The following SMAD6 variants were observed in gnomAD, a reference collection of about 807,000 sequenced individuals.
The protein encoded by SMAD6 is MAD homolog 6.
In SMAD6, 103 loss-of-function variants were observed where a neutral mutation model predicts 39.4. The observed-to-expected ratio is 2.62, with a 90% CI of 2.23 to 3.08. The LOEUF (loss-of-function observed/expected upper bound fraction) is 3.08. Ranked by LOEUF, SMAD6 falls within the 30% of genes most tolerant of loss-of-function variation. SMAD6 has a pLI of 0.00. For missense variants in SMAD6, 1,104 were observed against 742.9 expected (o/e 1.49, Z -5.65); for synonymous variants, 445 against 353.3 (o/e 1.26, Z -2.91).
intron 3 of SMAD6, among the ~76,000 whole-genome samples, chr15:66,778,313 C>T (rs1464401657): frequency 1.3e-5 from 2 of 152,170 alleles, no homozygotes; most frequent in Non-Finnish European, 2.9e-5. Context: ...AACTCCTGAG[C>T]TCAAATGAGC....
chr15:66,703,693 G>T lies in SMAD6; in HGVS notation c.435G>T (p.Leu145=), dbSNP rs1438085635. 2 of 1,261,804 alleles carry T rather than the reference G, an allele frequency of 1.6e-6. No homozygotes were observed. Among genetic ancestry groups the T allele is most frequent in the Non-Finnish European group, 2.0e-6 (2 of 1,000,732 alleles). 78.2% of individuals were successfully genotyped at this position (1,261,804 alleles called of 1,614,324 possible). A position where few individuals can be genotyped will look rare whatever the true frequency, so the allele number is the denominator to read the frequency against. Residue 145 remains leucine, a synonymous_variant, in exon 1 of 4, where the codon CTG becomes CTT. Coordinates refer to ENST00000288840, the MANE Select transcript of SMAD6 (RefSeq NM_005585.5). ...AGAPRDASDP[L]AGAALEPAGG... The stretch of plus-strand genomic sequence containing the variant: ...CGCCCCGGGACGCCAGCGACCCCCT[G>T]GCCGGGGCGGCCCTGGAGCCGGCGG...
At position 66,782,212 on chromosome 15, in the gene SMAD6, T is replaced by G; in HGVS notation, c.*677T>G. On this transcript the variant is annotated 3_prime_UTR_variant, in exon 4 of 4. Transcript: ENST00000288840. ...CCATGGCTATGGGGTGTCCAGTGGA[T>G]AGGGATGGCGGTGGGGAAAAGAATA... 1 of 250,672 alleles carries G rather than the reference T, an allele frequency of 4.0e-6. No individual in the cohort carries two copies. The highest frequency in any genetic ancestry group is 6.5e-6 in the Non-Finnish European group (1 of 153,442). 15.5% of individuals were successfully genotyped at this position (250,672 alleles called of 1,614,324 possible). A position where few individuals can be genotyped will look rare whatever the true frequency, so the allele number is the denominator to read the frequency against.
chr15:66,703,170 G>A lies in SMAD6; in HGVS notation c.-89G>A, dbSNP rs1227555713. 9.7e-7 allele frequency: 1 copy of A among 1,033,554 alleles called. No homozygotes were observed. The allele number at this position is 1,033,554 out of a possible 1,614,324, so 64.0% of individuals were successfully genotyped here. A position where few individuals can be genotyped will look rare whatever the true frequency, so the allele number is the denominator to read the frequency against. The stretch of plus-strand genomic sequence containing the variant: ...GCGGCGGAGCTTCATGTGGGGCTGC[G>A]ACCCGCGCAGCCGGCGCCTCGCTGA... On this transcript the variant is annotated 5_prime_UTR_variant, in exon 1 of 4. Coordinates refer to ENST00000288840, the MANE Select transcript of SMAD6 (RefSeq NM_005585.5).
At chr15:66,727,831 G>C (rs1414492692) in intron 3 of SMAD6, among the ~76,000 whole-genome samples, 1 of 151,944 alleles carries the variant, frequency 6.6e-6, no homozygotes, top group Admixed American at 6.6e-5. Context: ...TGTCACATGT[G>C]AACAATTTTC....
chr15:66,742,811 G>A lies in SMAD6; in HGVS notation c.952+26313G>A, dbSNP rs186642417. ...AGGGAGGTTGGTGGACGTTGCCTTT[G>A]CTTAGACTGCCCGCTGCGCTCCCTG... is the stretch of plus-strand genomic sequence containing the variant. On this transcript the variant is annotated intron_variant, in intron 3 of 3. Transcript: ENST00000288840. 1.7e-3 allele frequency among the ~76,000 whole-genome samples: 254 copies of A among 152,252 alleles called. 1 individual carries two copies. The highest frequency in any genetic ancestry group is 5.4e-3 in the African/African-American group (225 of 41,540).
At chr15:66,735,789 G>C (rs755288534) in intron 3 of SMAD6, among the ~76,000 whole-genome samples, 1 of 151,996 alleles carries the variant, frequency 6.6e-6, no homozygotes, top group African/African-American at 2.4e-5. Flanking sequence ...AAGCAGGCAC[G>C]TGTGCATGCA....
At chr15:66,716,620 A>T (rs750397362) in intron 3 of SMAD6, 122 bp downstream of exon 3, 2 of 775,160 alleles carry the variant, frequency 2.6e-6, no homozygotes, top group African/African-American at 3.4e-5. Flanking sequence ...TTTTCCTCCA[A>T]TCCTTGGATG....
chr15:66,743,696 C>A (rs752924052), intron 3 of SMAD6, among the ~76,000 whole-genome samples: 7 of 151,940 alleles, frequency 4.6e-5, no homozygotes, highest in African/African-American at 7.3e-5. Flanking sequence ...TTATATTATT[C>A]TTCTTAAAAT....
intron 3 of SMAD6, among the ~76,000 whole-genome samples, chr15:66,725,766 G>A (rs1893510688): frequency 6.6e-6 from 1 of 152,184 alleles, no homozygotes; most frequent in Non-Finnish European, 1.5e-5. Flanking sequence ...TGTCATCAGT[G>A]GGGAGCATTG....
Position 66,703,662 on chromosome 15 carries a change from C to T in SMAD6, c.404C>T (p.Ala135Val). ...TCCLFSERDA[A>V]GAPRDASDPL... Reference sequence around the variant, plus strand: ...TGTCTCTTTTCGGAGCGGGACGCCGCCGGCGCGCCCCGGGACGCCAGCGAC... The same window carrying T: ...TGTCTCTTTTCGGAGCGGGACGCCGTCGGCGCGCCCCGGGACGCCAGCGAC... The change falls in exon 1 of 4, where the codon GCC becomes GTC. Residue 135 changes from alanine (A) to valine (V), a missense_variant. Transcript: ENST00000288840. 8.1e-7 allele frequency: 1 copy of T among 1,231,184 alleles called. No homozygotes were observed. Among genetic ancestry groups the T allele is most frequent in the Non-Finnish European group, 1.0e-6 (1 of 986,176 alleles). 76.3% of individuals were successfully genotyped at this position (1,231,184 alleles called of 1,614,324 possible).
chr15:66,775,128 C>T (rs1043593244), intron 3 of SMAD6, among the ~76,000 whole-genome samples: 1 of 152,086 alleles, frequency 6.6e-6, no homozygotes, highest in Non-Finnish European at 1.5e-5. Context: ...TCCCAAAGTG[C>T]TGAGATTACA....
At chr15:66,719,148 T>C (rs1418613248) in intron 3 of SMAD6, among the ~76,000 whole-genome samples, 1 of 152,220 alleles carries the variant, frequency 6.6e-6, no homozygotes, top group East Asian at 1.9e-4. Flanking sequence ...GGCTCATTGC[T>C]GGGCCAACTG....
chr15:66,728,930 T>C (rs1014006168), intron 3 of SMAD6, among the ~76,000 whole-genome samples: 1 of 152,054 alleles, frequency 6.6e-6, no homozygotes, highest in African/African-American at 2.4e-5. Context: ...GGTACATACC[T>C]GGGAGTGGAA....
chr15:66,733,546 G>A (rs12438941), intron 3 of SMAD6, among the ~76,000 whole-genome samples: 7,482 of 152,064 alleles, frequency 0.049, 403 homozygotes, highest in Admixed American at 0.18. Flanking sequence ...ATGTTTCTTG[G>A]TGTTATTGTA....
intron 3 of SMAD6, among the ~76,000 whole-genome samples, chr15:66,749,154 G>A (rs1238382734): frequency 2.6e-5 from 4 of 152,052 alleles, no homozygotes; most frequent in African/African-American, 9.7e-5. Flanking sequence ...GCAAAACCCC[G>A]TCTCTACAAA....
chr15:66,703,202 G>C lies in SMAD6; in HGVS notation c.-57G>C, dbSNP rs1893013117. Reference sequence around the variant, plus strand: ...GCAGCCGGCGCCTCGCTGAGGGAACGGACCCCCGGTAACCGGAGACCGCCT... The same window carrying C: ...GCAGCCGGCGCCTCGCTGAGGGAACCGACCCCCGGTAACCGGAGACCGCCT... On this transcript the variant is annotated 5_prime_UTR_variant, in exon 1 of 4. Transcript: ENST00000288840. 1 of 1,268,166 alleles carries C rather than the reference G, an allele frequency of 7.9e-7. No individual in the cohort carries two copies. 78.6% of individuals were successfully genotyped at this position (1,268,166 alleles called of 1,614,324 possible).
intron 1 of SMAD6, among the ~76,000 whole-genome samples, chr15:66,709,197 T>C (rs1893180300): frequency 6.6e-6 from 1 of 152,216 alleles, no homozygotes; most frequent in African/African-American, 2.4e-5. Flanking sequence ...GTGATTAGCT[T>C]TCAGTCCCTG....
chr15:66,763,828 A>T (rs1490913729), intron 3 of SMAD6, among the ~76,000 whole-genome samples: 2 of 152,230 alleles, frequency 1.3e-5, no homozygotes, highest in Non-Finnish European at 2.9e-5. Context: ...GAAAAGCCCG[A>T]GTTGGCAGAG....
intron 3 of SMAD6, among the ~76,000 whole-genome samples, chr15:66,761,047 G>A (rs1289909126): frequency 1.3e-5 from 2 of 152,196 alleles, no homozygotes; most frequent in African/African-American, 2.4e-5. Flanking sequence ...ATCTGGACAC[G>A]AGGGCAGGAG....
Sources: gnomAD v4.1 joint callset for allele counts (sites outside exome capture counted in the v4.1 genomes callset) on GRCh38, gnomAD v4.1.1 for gene constraint, MANE v1.5 for transcripts, NCBI Gene and HGNC (gene_info 2026-07-23, HGNC 2026-07-21) for gene names.